SRGAP1: variants seen among roughly 807,000 people sequenced by gnomAD.
SRGAP1 encodes SLIT-ROBO Rho GTPase-activating protein 1.
SRGAP1 carries 43 observed loss-of-function variants against 121.9 expected under a neutral mutation model. That is an observed-to-expected ratio of 0.35 (90% CI 0.28 to 0.46). SRGAP1 has a LOEUF of 0.46. Ranked by LOEUF, SRGAP1 falls within the 20% of genes least tolerant of loss-of-function variation. The pLI is 1.00. For synonymous variants in SRGAP1, 447 were observed against 485.4 expected (o/e 0.92, Z 1.04); for missense variants, 1,102 against 1,350.9 (o/e 0.82, Z 2.89).
intron 15 of SRGAP1, among the ~76,000 whole-genome samples, chr12:64,106,315 C>T (rs2036345082): frequency 6.6e-6 from 1 of 152,120 alleles, no homozygotes; most frequent in Non-Finnish European, 1.5e-5. Context: ...TAGAGATAGA[C>T]TTTCTAGATA....
At chr12:63,897,452 CTT>C (rs1240793504) in intron 1 of SRGAP1, among the ~76,000 whole-genome samples, 4 of 152,094 alleles carry the variant, frequency 2.6e-5, no homozygotes, top group African/African-American at 4.8e-5. Flanking sequence ...ATTGCAATGA[CTT>C]TTATTTGGCA....
chr12:63,969,445 C>T (rs371866314), intron 1 of SRGAP1, among the ~76,000 whole-genome samples: 6 of 152,040 alleles, frequency 3.9e-5, no homozygotes, highest in East Asian at 3.9e-4. Flanking sequence ...CATGCTGGCC[C>T]AAGAGTAAAG....
Position 64,159,418 on chromosome 12 carries a change from TTGCACCATTGCACTCCAACC to T in SRGAP1, c.*16749_*16768del, listed in dbSNP as rs1179629007. ...AAGCGGAGGTTGCAGTGAGCCAAGA[TTGCACCATTGCACTCCAACC>T]TGGGCAACAAAAGTGAAACTCCATC... On this transcript the variant is annotated 3_prime_UTR_variant, in exon 22 of 22. Coordinates refer to ENST00000355086, the MANE Select transcript of SRGAP1 (RefSeq NM_020762.4). 1 of 154,534 alleles carries T rather than the reference TTGCACCATTGCACTCCAACC, an allele frequency of 6.5e-6. No individual in the cohort carries two copies. The highest frequency in any genetic ancestry group is 2.4e-5 in the African/African-American group (1 of 41,442). The allele number at this position is 154,534 out of a possible 1,614,324, so 9.6% of individuals were successfully genotyped here.
intron 11 of SRGAP1, among the ~76,000 whole-genome samples, chr12:64,089,128 A>G (rs2036001020): frequency 6.6e-6 from 1 of 152,212 alleles, no homozygotes; most frequent in Non-Finnish European, 1.5e-5. Flanking sequence ...TATGCAAGCC[A>G]GGTGATCCAG....
At chr12:64,024,856 C>G (rs979224695) in intron 4 of SRGAP1, among the ~76,000 whole-genome samples, 4 of 152,162 alleles carry the variant, frequency 2.6e-5, no homozygotes, top group African/African-American at 9.7e-5. Flanking sequence ...AACTCACTCA[C>G]TATCATGAGA....
chr12:64,106,903 A>C (rs759269548), intron 15 of SRGAP1, among the ~76,000 whole-genome samples: 2 of 152,232 alleles, frequency 1.3e-5, no homozygotes, highest in South Asian at 4.1e-4. Flanking sequence ...CAGTATTACT[A>C]AGATCACACT....
chr12:63,997,331 C>T (rs2033741832), intron 3 of SRGAP1, among the ~76,000 whole-genome samples: 1 of 151,904 alleles, frequency 6.6e-6, no homozygotes, highest in Non-Finnish European at 1.5e-5. Flanking sequence ...TAGTCTATAC[C>T]ATCTGGATTT....
In SRGAP1 at chr12:64,142,822, C is replaced by T; in HGVS notation, c.*150C>T. 9.5e-7 allele frequency: 1 copy of T among 1,054,904 alleles called. No homozygotes were observed. The highest frequency in any genetic ancestry group is 1.4e-6 in the Non-Finnish European group (1 of 739,634). 65.3% of individuals were successfully genotyped at this position (1,054,904 alleles called of 1,614,324 possible). A position where few individuals can be genotyped will look rare whatever the true frequency, so the allele number is the denominator to read the frequency against. On this transcript the variant is annotated 3_prime_UTR_variant, in exon 22 of 22. Coordinates refer to ENST00000355086, the MANE Select transcript of SRGAP1 (RefSeq NM_020762.4). ...ATGTTGTCGAATGTAATGTCTGAGA[C>T]TAGCTAAATTAACACGGGCATTTGT...
intron 6 of SRGAP1, among the ~76,000 whole-genome samples, chr12:64,062,453 C>T (rs1364041357): frequency 1.3e-5 from 2 of 151,872 alleles, no homozygotes; most frequent in Non-Finnish European, 2.9e-5. Context: ...TAATAAGATA[C>T]GTGATTTGCA....
chr12:64,097,679 G>GT (rs2036185908), intron 15 of SRGAP1: 1 of 253,036 alleles, frequency 4.0e-6, no homozygotes, highest in African/African-American at 2.2e-5. Context: ...GGAGGAAGTT[G>GT]TAAGCTGGGA....
intron 1 of SRGAP1, among the ~76,000 whole-genome samples, chr12:63,884,824 A>G (rs1012863211): frequency 6.8e-6 from 1 of 147,588 alleles, no homozygotes; most frequent in African/African-American, 2.5e-5. Flanking sequence ...GTTCAAGGCC[A>G]TTCTCCTGCC....
intron 1 of SRGAP1, among the ~76,000 whole-genome samples, chr12:63,894,118 C>T (rs1592923285): frequency 6.6e-6 from 1 of 152,216 alleles, no homozygotes; most frequent in East Asian, 1.9e-4. Context: ...GGATTACAGG[C>T]GTGAGCCACT....
At chr12:63,971,008 TAACC>T (rs1339481416) in intron 1 of SRGAP1, among the ~76,000 whole-genome samples, 3 of 152,178 alleles carry the variant, frequency 2.0e-5, no homozygotes, top group African/African-American at 7.2e-5. Flanking sequence ...TCTGCCTACC[TAACC>T]ACCCTGCGAT....
At chr12:64,069,886 CA>C (rs931729004) in intron 8 of SRGAP1, among the ~76,000 whole-genome samples, 2 of 152,080 alleles carry the variant, frequency 1.3e-5, no homozygotes, top group Non-Finnish European at 2.9e-5. Context: ...GTTCAAAAAA[CA>C]AAATAATATG....
intron 1 of SRGAP1, among the ~76,000 whole-genome samples, chr12:63,916,312 A>G: frequency 6.6e-6 from 1 of 152,264 alleles, no homozygotes; most frequent in Non-Finnish European, 1.5e-5. Context: ...GGCATGAGCC[A>G]CCATGCCCAG....
At chr12:64,096,515 A>C (rs1431794804) in intron 14 of SRGAP1, among the ~76,000 whole-genome samples, 1 of 152,184 alleles carries the variant, frequency 6.6e-6, no homozygotes, top group Non-Finnish European at 1.5e-5. Flanking sequence ...TTGCCTAATA[A>C]TTTAATTTAG....
rs144919794 is a variant in SRGAP1 at position 63,992,878 on chromosome 12, G to A, written c.426+2806G>A. On this transcript the variant is annotated intron_variant, in intron 3 of 21. Coordinates refer to ENST00000355086, the MANE Select transcript of SRGAP1 (RefSeq NM_020762.4). ...TGGTTACTTTGGCATTTAGTAGGGG[G>A]AATGCTCTATGCTTCCTGATCAGCT... Among the ~76,000 whole-genome samples, 1,126 of 152,188 alleles carry A rather than the reference G, an allele frequency of 7.4e-3. 11 individuals are homozygous for A. Among genetic ancestry groups the A allele is most frequent in the African/African-American group, 0.022 (933 of 41,498 alleles).
At chr12:64,104,824 A>C (rs183233482) in intron 15 of SRGAP1, among the ~76,000 whole-genome samples, 113 of 152,132 alleles carry the variant, frequency 7.4e-4, no homozygotes, top group Non-Finnish European at 1.1e-3. Context: ...AGTGTCACTT[A>C]TGTCCTTGTT....
At chr12:64,125,297 A>G (rs968706795) in intron 18 of SRGAP1, among the ~76,000 whole-genome samples, 4 of 152,116 alleles carry the variant, frequency 2.6e-5, no homozygotes, top group African/African-American at 9.7e-5. Flanking sequence ...AAAATTTTGC[A>G]TCTGTTTTTT....
Sources: allele counts gnomAD v4.1 joint callset (sites outside exome capture counted in the v4.1 genomes callset), GRCh38; gene constraint gnomAD v4.1.1; transcripts MANE v1.5; gene names NCBI Gene and HGNC (gene_info 2026-07-23, HGNC 2026-07-21).